The following GRTP1 variants were observed in gnomAD, a reference collection of about 807,000 sequenced individuals.
The protein encoded by GRTP1 is growth hormone regulated TBC protein 1, also known as growth hormone-regulated TBC protein 1.
GRTP1 carries 56 observed loss-of-function variants against 38.1 expected under a neutral mutation model. That is an observed-to-expected ratio of 1.47 (90% confidence interval 1.19 to 1.84). The LOEUF (loss-of-function observed/expected upper bound fraction) is 1.84. Ranked by LOEUF, GRTP1 falls within the 40% of genes most tolerant of loss-of-function variation. The pLI, the probability that GRTP1 is intolerant of heterozygous loss-of-function variation, is 0.00. For missense variants in GRTP1, 506 were observed against 453.9 expected (o/e 1.11, Z -1.04); for synonymous variants, 217 against 189.5 (o/e 1.14, Z -1.19).
rs1367263195 is a variant in GRTP1 at position 113,364,116 on chromosome 13, C to T, written c.-65G>A. On this transcript the variant is annotated 5_prime_UTR_variant, in exon 1 of 8. Transcript: ENST00000375431. The stretch of plus-strand genomic sequence containing the variant: ...CCAAGTTCGCCTCCCGGCTCCGGGG[C>T]GCTTAAGTCCTTCCGGCGGGACCGC... 5 of 1,183,762 alleles carry T rather than the reference C, an allele frequency of 4.2e-6. No individual in the cohort carries two copies. Among genetic ancestry groups the T allele is most frequent in the East Asian group, 6.9e-5 (2 of 28,992 alleles). The allele number at this position is 1,183,762 out of a possible 1,614,324, so 73.3% of individuals were successfully genotyped here.
chr13:113,346,286 G>GAACAGACC (rs1445407123), intron 4 of GRTP1, among the ~76,000 whole-genome samples: 1 of 59,788 alleles, frequency 1.7e-5, no homozygotes. Context: ...CTGTGGCTGA[G>GAACAGACC]CGGATCTGGG....
intron 5 of GRTP1, among the ~76,000 whole-genome samples, chr13:113,330,317 T>C (rs1406641492): frequency 1.1e-5 from 1 of 92,650 alleles, no homozygotes; most frequent in African/African-American, 4.6e-5. Context: ...GGAGCCCAGG[T>C]GCGTGGATGG....
chr13:113,351,161 CT>C (rs1167731206), intron 3 of GRTP1, among the ~76,000 whole-genome samples, 188 bp from the exon 4 acceptor site: 3 of 152,292 alleles, frequency 2.0e-5, no homozygotes, highest in South Asian at 2.1e-4. Flanking sequence ...GGGGGTGATC[CT>C]GAACTCGGGG....
At chr13:113,362,908 C>A (rs2043523860) in intron 2 of GRTP1, among the ~76,000 whole-genome samples, 1 of 152,202 alleles carries the variant, frequency 6.6e-6, no homozygotes, top group Non-Finnish European at 1.5e-5. Context: ...CAAGCCCTCA[C>A]CCCAGGCAGA....
At chr13:113,352,050 G>A (rs1443972298) in intron 3 of GRTP1, 1 of 149,816 alleles carries the variant, frequency 6.7e-6, no homozygotes, top group Non-Finnish European at 1.5e-5. Context: ...TTAGTTCAAT[G>A]CCTCAGAGCA....
intron 4 of GRTP1, among the ~76,000 whole-genome samples, chr13:113,347,173 AG>A (rs2043159185): frequency 1.8e-3 from 1 of 556 alleles, no homozygotes; most frequent in East Asian, 0.038. Context: ...CCTCTGTGGC[AG>A]AGAGCAGACC....
In GRTP1 at chr13:113,342,821, CT is replaced by C. The variant is rs1442589405; in HGVS notation, c.562+2041del. ...CAGTTTAGTTTTTGTACTTTCTTTT[CT>C]TTTTGAATCCAGACCTATTTGCATT... On this transcript the variant is annotated intron_variant, in intron 5 of 7. Coordinates refer to ENST00000375431, the MANE Select transcript of GRTP1 (RefSeq NM_024719.4). This position sits in a 1 kb window ranked among gnomAD's most constrained non-coding sequence, Gnocchi z 4.5. Among the ~76,000 whole-genome samples the C allele has an allele frequency of 5.9e-5, 9 of 152,298 alleles. No homozygotes were observed. In the South Asian group the frequency reaches 1.0e-3, roughly 18 times the overall value.
chr13:113,338,991 G>A (rs1313167647), intron 5 of GRTP1, among the ~76,000 whole-genome samples: 2 of 143,570 alleles, frequency 1.4e-5, no homozygotes, highest in Admixed American at 7.5e-5. Flanking sequence ...TCGGCTCACT[G>A]CAACCTCTGC....
intron 5 of GRTP1, among the ~76,000 whole-genome samples, chr13:113,344,027 A>C (rs1300013256): frequency 6.6e-6 from 1 of 152,256 alleles, no homozygotes; most frequent in African/African-American, 2.4e-5. Context: ...AAATAATTAA[A>C]CATTAATAAA....
intron 5 of GRTP1, among the ~76,000 whole-genome samples, chr13:113,332,624 G>C (rs1043638341): frequency 6.6e-6 from 1 of 152,312 alleles, no homozygotes; most frequent in South Asian, 2.1e-4. Context: ...CAAGCACTCC[G>C]TAAGGACAGT....
chr13:113,361,210 TAAAAA>T (rs60140159), intron 2 of GRTP1, among the ~76,000 whole-genome samples: 122 of 125,330 alleles, frequency 9.7e-4, no homozygotes, highest in Admixed American at 1.5e-3. Context: ...AGACCAATGC[TAAAAA>T]AAAAAAAAAA....
In GRTP1 at chr13:113,342,333, A is replaced by G. The variant is rs909226901; in HGVS notation, c.562+2530T>C. ...ATCCTGGCTAACACGGTGAAACCCCATCTCTACTAAAAATACAAAAAAAAA... is the reference window on the plus strand; with the variant it reads ...ATCCTGGCTAACACGGTGAAACCCCGTCTCTACTAAAAATACAAAAAAAAA... On this transcript the variant is annotated intron_variant, in intron 5 of 7. Transcript: ENST00000375431. The surrounding 1 kb of genome is among the most constrained non-coding windows in gnomAD (Gnocchi z 4.5). Among the ~76,000 whole-genome samples the G allele has an allele frequency of 2.0e-5, 3 of 151,956 alleles. No homozygotes were observed. The highest frequency in any genetic ancestry group is 7.3e-5 in the African/African-American group (3 of 41,374).
intron 2 of GRTP1, chr13:113,359,689 C>T (rs74828176): frequency 0.032 from 4,882 of 152,332 alleles, 113 homozygotes; most frequent in Non-Finnish European, 0.047. Flanking sequence ...AGACCCTGAG[C>T]GTGCCTTGGT....
intron 4 of GRTP1, 84 bp downstream of exon 4, chr13:113,350,765 T>C (rs1178574701): frequency 2.4e-6 from 3 of 1,274,774 alleles, no homozygotes; most frequent in African/African-American, 3.1e-5. Context: ...GACAGAGACG[T>C]GAGGCCGTCA....
At chr13:113,332,943 T>C (rs1356022447) in intron 5 of GRTP1, among the ~76,000 whole-genome samples, 1 of 152,174 alleles carries the variant, frequency 6.6e-6, no homozygotes, top group African/African-American at 2.4e-5. Flanking sequence ...AGTCCACAGT[T>C]GACATGGACA....
At chr13:113,357,441 C>A (rs1173297477) in intron 2 of GRTP1, among the ~76,000 whole-genome samples, 123 of 97,658 alleles carry the variant, frequency 1.3e-3, no homozygotes, top group East Asian at 1.6e-3. Flanking sequence ...GACACTGCCT[C>A]AAAAAAAAAA....
At chr13:113,355,232 C>CA in intron 3 of GRTP1, 91 bp downstream of exon 3, 1 of 1,327,788 alleles carries the variant, frequency 7.5e-7, no homozygotes, top group Non-Finnish European at 1.0e-6. Context: ...GCGCACCGCT[C>CA]ACCCCTGGAC....
chr13:113,347,143 A>C (rs148313016), intron 4 of GRTP1, among the ~76,000 whole-genome samples: 9 of 420 alleles, frequency 0.021, 1 homozygote, highest in Admixed American at 0.14. Flanking sequence ...CCTCTGTGGC[A>C]GAGAGCAGAC....
chr13:113,335,227 AT>A (rs1317128331), intron 5 of GRTP1, among the ~76,000 whole-genome samples: 1 of 152,110 alleles, frequency 6.6e-6, no homozygotes, highest in African/African-American at 2.4e-5. Flanking sequence ...TCCATGTGAT[AT>A]TTTGATACAG....
Sources: allele counts gnomAD v4.1 joint callset (sites outside exome capture counted in the v4.1 genomes callset), GRCh38; gene constraint gnomAD v4.1.1; non-coding constraint Gnocchi (gnomAD v3.1); transcripts MANE v1.5; gene names NCBI Gene and HGNC (gene_info 2026-07-23, HGNC 2026-07-21).